Variants in ZNF618 observed in about 807,000 individuals in gnomAD.
ZNF618 encodes zinc finger protein 618.
ZNF618 carries 34 observed loss-of-function variants against 103.0 expected under a neutral mutation model. The observed-to-expected ratio is 0.33, with a 90% confidence interval of 0.25 to 0.44. The LOEUF (loss-of-function observed/expected upper bound fraction) is 0.44, where lower values mean the gene tolerates loss of function less well. ZNF618 is among the 20% of genes least tolerant of loss of function. ZNF618 has a pLI of 1.00. For missense variants in ZNF618, 1,059 were observed against 1,295.4 expected (o/e 0.82, Z 2.80); for synonymous variants, 551 against 542.2 (o/e 1.02, Z -0.23).
rs533877227 is a variant in ZNF618, at chr9:113,998,249, C to T, written c.338-10C>T. 6.1e-5 allele frequency: 95 copies of T among 1,549,814 alleles called. No individual in the cohort carries two copies. The highest frequency in any genetic ancestry group is 5.9e-4 in the East Asian group (24 of 40,904). ...TTTAAGGGCTCTTTCTGATTTCTTA[C>T]GTAATTCAGATGGAAAAGCGCCCGA... On this transcript the variant is annotated splice_polypyrimidine_tract_variant and intron_variant, in intron 3 of 14. Transcript: ENST00000374126.
At chr9:114,009,873 GGGA>G (rs1258760528) in intron 9 of ZNF618, among the ~76,000 whole-genome samples, 2 of 152,154 alleles carry the variant, frequency 1.3e-5, no homozygotes, top group Non-Finnish European at 2.9e-5. Context: ...CTGTGGTCAT[GGGA>G]TGATTCTTTG....
chr9:113,988,918 CTGCTCGG>C lies in ZNF618; in HGVS notation c.337+341_337+347del, dbSNP rs554519489. 1.5e-3 allele frequency among the ~76,000 whole-genome samples: 228 copies of C among 152,324 alleles called. 1 individual carries two copies. The highest frequency in any genetic ancestry group is 5.1e-3 in the African/African-American group (212 of 41,576). ...CCTGGGGGGTCTCCCACAGCCCTTA[CTGCTCGG>C]TGTCCTAAATGCCTCTCTGCTGGAG... is the stretch of plus-strand genomic sequence containing the variant. On this transcript the variant is annotated intron_variant, in intron 3 of 14. Coordinates refer to ENST00000374126, the MANE Select transcript of ZNF618 (RefSeq NM_001318042.2).
chr9:113,956,477 A>G (rs533405521), intron 1 of ZNF618, among the ~76,000 whole-genome samples: 6 of 152,316 alleles, frequency 3.9e-5, no homozygotes, highest in Middle Eastern at 3.4e-3. Context: ...CTCTCTGACT[A>G]TTGGAACTAC....
At chr9:114,042,912 A>C (rs571845997) in intron 13 of ZNF618, among the ~76,000 whole-genome samples, 1 of 152,252 alleles carries the variant, frequency 6.6e-6, no homozygotes, top group South Asian at 2.1e-4. Context: ...TACCCTAGCC[A>C]CTGGCAGGTA....
At chr9:113,970,717 C>T (rs918045695) in intron 2 of ZNF618, among the ~76,000 whole-genome samples, 2 of 151,856 alleles carry the variant, frequency 1.3e-5, no homozygotes, top group Non-Finnish European at 2.9e-5. Flanking sequence ...GAAGCTTTCC[C>T]TGACCCTCCG....
intron 2 of ZNF618, among the ~76,000 whole-genome samples, chr9:113,970,179 G>A (rs188217437): frequency 1.8e-4 from 27 of 152,212 alleles, no homozygotes; most frequent in African/African-American, 6.0e-4. Flanking sequence ...GAGAGCCAGA[G>A]AGAGAGAGAG....
At chr9:114,028,995 C>T (rs1843762567) in intron 11 of ZNF618, 23 bp downstream of exon 11, 4 of 1,542,536 alleles carry the variant, frequency 2.6e-6, no homozygotes, top group Non-Finnish European at 2.6e-6. Context: ...TATGTGACCC[C>T]CACACTTTCT....
chr9:113,915,261 G>T (rs984655624), intron 1 of ZNF618, among the ~76,000 whole-genome samples: 2 of 152,186 alleles, frequency 1.3e-5, no homozygotes, highest in African/African-American at 4.8e-5. Flanking sequence ...CTTCTGCCCT[G>T]CCTGTCGTAT....
intron 3 of ZNF618, among the ~76,000 whole-genome samples, chr9:113,988,962 G>A (rs189492964): frequency 5.5e-4 from 84 of 152,286 alleles, no homozygotes; most frequent in African/African-American, 1.7e-3. Flanking sequence ...TCCCAGTGCC[G>A]GTGCTGCTCA....
chr9:114,043,953 C>CTGCATAG (rs1241343363), intron 13 of ZNF618, among the ~76,000 whole-genome samples: 1 of 152,084 alleles, frequency 6.6e-6, no homozygotes, highest in African/African-American at 2.4e-5. Context: ...GATATTAGTC[C>CTGCATAG]TTTGTCAGAT....
chr9:113,966,350 C>T (rs139348059), intron 1 of ZNF618, among the ~76,000 whole-genome samples: 41 of 152,316 alleles, frequency 2.7e-4, no homozygotes, highest in African/African-American at 9.9e-4. Flanking sequence ...GATGTTCTAA[C>T]TCTAAACTCT....
At chr9:113,898,838 G>A (rs1203829890) in intron 1 of ZNF618, among the ~76,000 whole-genome samples, 1 of 152,220 alleles carries the variant, frequency 6.6e-6, no homozygotes, top group Non-Finnish European at 1.5e-5. Context: ...TTGGCTTGGT[G>A]AAGCTGCGCT....
intron 1 of ZNF618, among the ~76,000 whole-genome samples, chr9:113,950,252 A>G (rs1324300863): frequency 6.6e-6 from 1 of 152,088 alleles, no homozygotes; most frequent in Non-Finnish European, 1.5e-5. Flanking sequence ...GGACCACCGT[A>G]TCTGTTCCCC....
chr9:113,916,797 A>G (rs1588033092), intron 1 of ZNF618, among the ~76,000 whole-genome samples: 1 of 152,224 alleles, frequency 6.6e-6, no homozygotes, highest in Admixed American at 6.5e-5. Flanking sequence ...TCAATCAGAA[A>G]AACATTGCTC....
Position 114,049,631 on chromosome 9 carries a change from G to A in ZNF618, c.2329G>A (p.Asp777Asn), listed in dbSNP as rs762718493. 1.1e-5 allele frequency: 17 copies of A among 1,613,818 alleles called. No homozygotes were observed. Among genetic ancestry groups the A allele is most frequent in the Non-Finnish European group, 1.4e-5 (17 of 1,179,904 alleles). The change falls in exon 15 of 15, where the codon GAC (aspartate) becomes AAC (asparagine). Residue 777 changes from aspartate (D) to asparagine (N), a missense_variant. Around this residue, in one of 6 missense-constraint regions of ZNF618, gnomAD observed 272 missense variants for 380.1 expected, o/e 0.72. Coordinates refer to ENST00000374126, the MANE Select transcript of ZNF618 (RefSeq NM_001318042.2). ...GAAGCTGTTCACGGCCAAGGCCAAC[G>A]ACGCAGGCACTGTCAGCAAGCTCTG... ...LEKLFTAKANDAGTVSKLCHL... is the reference protein window; with the variant it reads ...LEKLFTAKANNAGTVSKLCHL...
At chr9:113,985,039 A>G (rs868046502) in intron 2 of ZNF618, among the ~76,000 whole-genome samples, 1 of 152,210 alleles carries the variant, frequency 6.6e-6, no homozygotes, top group South Asian at 2.1e-4. Flanking sequence ...CCGCCATAAA[A>G]AAGACAAAGG....
intron 1 of ZNF618, among the ~76,000 whole-genome samples, chr9:113,949,410 C>T (rs1536962): frequency 0.51 from 77,559 of 151,872 alleles, 20,462 homozygotes; most frequent in East Asian, 0.68. Flanking sequence ...CTGTGTGGTC[C>T]GAGACAGGAG....
intron 13 of ZNF618, among the ~76,000 whole-genome samples, chr9:114,040,579 T>C (rs1845068364): frequency 6.6e-6 from 1 of 151,918 alleles, no homozygotes; most frequent in South Asian, 2.1e-4. Flanking sequence ...GAACATGCGG[T>C]GTTTGGTTTT....
intron 2 of ZNF618, among the ~76,000 whole-genome samples, chr9:113,971,310 G>A (rs371073034): frequency 6.6e-6 from 1 of 152,090 alleles, no homozygotes; most frequent in African/African-American, 2.4e-5. Flanking sequence ...GCTTAGGGGC[G>A]TATAATGAGT....
Sources: gnomAD v4.1 joint callset for allele counts (sites outside exome capture counted in the v4.1 genomes callset) on GRCh38, gnomAD v4.1.1 for gene constraint, gnomAD v4.1.1 regional missense constraint, MANE v1.5 for transcripts, NCBI Gene and HGNC (gene_info 2026-07-23, HGNC 2026-07-21) for gene names.